Variants in TPST2 observed in about 807,000 individuals in gnomAD.
The protein encoded by TPST2 is tyrosylprotein sulfotransferase 2, also known as protein-tyrosine sulfotransferase 2.
TPST2 carries 16 observed loss-of-function variants against 27.8 expected under a neutral mutation model. The observed-to-expected ratio is 0.58, with a 90% CI of 0.39 to 0.88. The LOEUF (loss-of-function observed/expected upper bound fraction) is 0.88, where lower values mean the gene tolerates loss of function less well. Among genes scored for constraint, TPST2 ranks in the 40% least tolerant of loss-of-function variants. The probability of loss-of-function intolerance (pLI) is 0.00; values close to 1 mark genes in which losing one functional copy is unlikely to be tolerated. For synonymous variants in TPST2, 229 were observed against 231.7 expected (o/e 0.99, Z 0.10); for missense variants, 464 against 543.1 (o/e 0.85, Z 1.45).
chr22:26,540,576 AAAAC>A (rs947134002), intron 3 of TPST2, among the ~76,000 whole-genome samples: 66 of 152,364 alleles, frequency 4.3e-4, no homozygotes, highest in Admixed American at 6.5e-4. Flanking sequence ...ACTGCCTCAA[AAAAC>A]AAACAAACAG....
rs749274304 is a variant in TPST2 at position 26,540,899 on chromosome 22, G to A, written c.732C>T (p.His244=). 27 of 1,614,080 alleles carry A rather than the reference G, an allele frequency of 1.7e-5. No homozygotes were observed. In the East Asian group the frequency reaches 5.6e-4, roughly 33 times the overall value. ...GGATGAGCTTGAGTGAGCGCCTGGG[G>A]TGCAGCACCAGCTGCTCGTAGTACA... ...LPVYYEQLVL[H]PRRSLKLILD... The change falls in exon 3 of 7, where the codon CAC becomes CAT. Residue 244 remains histidine, a synonymous_variant. Transcript: ENST00000338754.
At chr22:26,570,066 G>T (rs8141872) in intron 1 of TPST2, among the ~76,000 whole-genome samples, 39 of 125,154 alleles carry the variant, frequency 3.1e-4, no homozygotes, top group African/African-American at 1.2e-3. Flanking sequence ...AAAGAAAGAA[G>T]GAAAGAAAGA....
chr22:26,529,817 G>A (rs1925050486), intron 5 of TPST2, among the ~76,000 whole-genome samples: 1 of 152,118 alleles, frequency 6.6e-6, no homozygotes, highest in African/African-American at 2.4e-5. Flanking sequence ...CCCAGCTAAG[G>A]CTTTCTCTTT....
At chr22:26,561,012 C>T (rs1012103357) in intron 1 of TPST2, 16 of 1,605,224 alleles carry the variant, frequency 1.0e-5, no homozygotes, top group Admixed American at 1.7e-5. Flanking sequence ...TGCTGCATAT[C>T]GAGCTAAAGG....
At chr22:26,551,525 T>G (rs1350604946) in intron 1 of TPST2, among the ~76,000 whole-genome samples, 1 of 152,178 alleles carries the variant, frequency 6.6e-6, no homozygotes, top group Admixed American at 6.5e-5. Context: ...TCTCTCTCTT[T>G]CCAGAGCCTG....
intron 1 of TPST2, chr22:26,555,313 AC>A (rs1926731665): frequency 1.9e-6 from 1 of 515,228 alleles, no homozygotes; most frequent in Non-Finnish European, 3.9e-6. Context: ...CTAACTATTC[AC>A]TGGCTGCCCA....
chr22:26,537,369 G>A (rs949669777), intron 3 of TPST2, among the ~76,000 whole-genome samples: 6 of 152,226 alleles, frequency 3.9e-5, no homozygotes, highest in African/African-American at 1.4e-4. Context: ...AATTGGCAAT[G>A]ATAGTAGTAC....
Position 26,523,512 on chromosome 22 carries a change from T to A in TPST2, c.*2763A>T, listed in dbSNP as rs539654198. ...AAATGAGAGTGGATTCTGAGCCTAG[T>A]TTTTTTCAGGGAACAAGACCCAGTG... On this transcript the variant is annotated 3_prime_UTR_variant, in exon 7 of 7. Transcript: ENST00000338754. 6.6e-6 allele frequency: 1 copy of A among 152,200 alleles called. No homozygotes were observed. Among genetic ancestry groups the A allele is most frequent in the Non-Finnish European group, 1.5e-5 (1 of 68,034 alleles). 9.4% of individuals were successfully genotyped at this position (152,200 alleles called of 1,614,324 possible).
Position 26,541,168 on chromosome 22 carries a change from G to A in TPST2, c.463C>T (p.Leu155Phe), listed in dbSNP as rs1185473353. The change falls in exon 3 of 7, where the codon CTC (leucine) becomes TTC (phenylalanine). Residue 155 changes from leucine to phenylalanine, a missense_variant. Leu to Phe is a conservative substitution (Grantham distance 22, BLOSUM62 0). Transcript: ENST00000338754. This position sits in a 1 kb window ranked among gnomAD's most constrained non-coding sequence, Gnocchi z 5.9. ...IAKHGEPARV[L>F]CNKDPFTLKS... ...AGCGTAAATGGGTCCTTGTTGCAGA[G>A]CACGCGGGCCGGCTCTCCGTGCTTG... The A allele has an allele frequency of 6.2e-7, 1 of 1,602,718 alleles. No individual in the cohort carries two copies. The highest frequency in any genetic ancestry group is 8.5e-7 in the Non-Finnish European group (1 of 1,172,922).
At chr22:26,543,236 G>A (rs533267783) in intron 2 of TPST2, 4 of 152,202 alleles carry the variant, frequency 2.6e-5, no homozygotes, top group Admixed American at 6.5e-5. Flanking sequence ...ATGAAGTTCT[G>A]CTGAAGAGGT....
At chr22:26,560,095 A>T (rs1927009452) in intron 1 of TPST2, among the ~76,000 whole-genome samples, 1 of 152,200 alleles carries the variant, frequency 6.6e-6, no homozygotes, top group African/African-American at 2.4e-5. Context: ...GCCTCGGAGA[A>T]AGCCTGGGCG....
chr22:26,564,143 A>G (rs1435430343), intron 1 of TPST2, among the ~76,000 whole-genome samples: 2 of 152,208 alleles, frequency 1.3e-5, no homozygotes, highest in East Asian at 3.8e-4. Flanking sequence ...CGAGGTGTCT[A>G]GACAACCAGC....
At chr22:26,549,736 C>T (rs4822736) in intron 1 of TPST2, among the ~76,000 whole-genome samples, 50,514 of 147,432 alleles carry the variant, frequency 0.34, 8,985 homozygotes, top group South Asian at 0.49. Context: ...TTGGAAACAG[C>T]GGGGTTTCAT....
chr22:26,537,511 G>T (rs1198486367), intron 3 of TPST2, among the ~76,000 whole-genome samples: 1 of 152,182 alleles, frequency 6.6e-6, no homozygotes, highest in African/African-American at 2.4e-5. Context: ...GGAGTGCAGT[G>T]GCACAATCTT....
At chr22:26,550,593 G>C in intron 1 of TPST2, 1 of 985,518 alleles carries the variant, frequency 1.0e-6, no homozygotes, top group Non-Finnish European at 1.2e-6. Flanking sequence ...TGCACTTACA[G>C]AGTGGCCCTG....
At chr22:26,537,954 A>G (rs1569179608) in intron 3 of TPST2, among the ~76,000 whole-genome samples, 1 of 152,078 alleles carries the variant, frequency 6.6e-6, no homozygotes. Context: ...GAAGACAGAC[A>G]TTTAGGTTGT....
At chr22:26,574,722 C>A (rs1927764195) in intron 1 of TPST2, among the ~76,000 whole-genome samples, 1 of 152,296 alleles carries the variant, frequency 6.6e-6, no homozygotes, top group African/African-American at 2.4e-5. Flanking sequence ...CAACTGCATC[C>A]TTGCAATGAA....
At chr22:26,557,788 T>C (rs779064219) in intron 1 of TPST2, among the ~76,000 whole-genome samples, 15 of 97,328 alleles carry the variant, frequency 1.5e-4, no homozygotes, top group Admixed American at 4.0e-4. Context: ...GGCCCATGTC[T>C]GTAATCTCAG....
At chr22:26,578,501 C>T (rs1158108231) in intron 1 of TPST2, among the ~76,000 whole-genome samples, 1 of 152,166 alleles carries the variant, frequency 6.6e-6, no homozygotes, top group Non-Finnish European at 1.5e-5. Context: ...AACCTGACCA[C>T]GCTCTGCGAT....
Sources: allele counts gnomAD v4.1 joint callset (sites outside exome capture counted in the v4.1 genomes callset), GRCh38; gene constraint gnomAD v4.1.1; non-coding constraint Gnocchi (gnomAD v3.1); transcripts MANE v1.5; gene names NCBI Gene and HGNC (gene_info 2026-07-23, HGNC 2026-07-21).